Variants in NRXN1 observed in about 807,000 individuals in gnomAD.
NRXN1 encodes the protein neurexin-1.
In NRXN1, 39 loss-of-function variants were observed where a neutral mutation model predicts 150.9. That is an observed-to-expected ratio of 0.26 (90% CI 0.20 to 0.34). The LOEUF is 0.34. NRXN1 is among the 10% of genes least tolerant of loss of function. NRXN1 has a pLI of 1.00. For missense variants in NRXN1, 1,815 were observed against 1,949.9 expected (o/e 0.93, Z 1.30); for synonymous variants, 924 against 757.0 (o/e 1.22, Z -3.62).
At chr2:50,517,337 T>C (rs144797615) in intron 12 of NRXN1, among the ~76,000 whole-genome samples, 8 of 152,246 alleles carry the variant, frequency 5.3e-5, no homozygotes, top group Non-Finnish European at 1.0e-4. Flanking sequence ...AAATATGATA[T>C]AGCTCAGTGC....
intron 17 of NRXN1, among the ~76,000 whole-genome samples, chr2:50,323,321 C>A (rs1208433283): frequency 6.6e-6 from 1 of 152,088 alleles, no homozygotes; most frequent in East Asian, 1.9e-4. Flanking sequence ...TCTGTACAAT[C>A]CTAAGGTGAA....
chr2:50,587,288 C>T (rs1437668008), intron 8 of NRXN1, among the ~76,000 whole-genome samples: 3 of 152,298 alleles, frequency 2.0e-5, no homozygotes, highest in African/African-American at 4.8e-5. Context: ...AGTTTGAGAC[C>T]AACCTGGGCA....
Position 50,795,052 on chromosome 2 carries a change from T to C in NRXN1, c.832+126817A>G, listed in dbSNP as rs561216608. On this transcript the variant is annotated intron_variant, in intron 5 of 22. Coordinates refer to ENST00000401669, the MANE Select transcript of NRXN1 (RefSeq NM_001330078.2). ...TTCCCTACCTATCTCTGTGCATTAC[T>C]ATCAAGGAATTTTGTTAACTACATG... Among the ~76,000 whole-genome samples the C allele has an allele frequency of 6.6e-5, 10 of 152,292 alleles. No individual in the cohort carries two copies. In the East Asian group the frequency reaches 1.7e-3, roughly 27 times the overall value.
intron 5 of NRXN1, among the ~76,000 whole-genome samples, chr2:50,788,605 C>CAGAGAG (rs149877950): frequency 6.7e-6 from 1 of 149,256 alleles, no homozygotes; most frequent in African/African-American, 2.5e-5. Flanking sequence ...GAGAGAGAGA[C>CAGAGAG]AGAGAGAGAG....
At chr2:49,933,886 C>G (rs1670564280) in intron 22 of NRXN1, among the ~76,000 whole-genome samples, 1 of 152,192 alleles carries the variant, frequency 6.6e-6, no homozygotes, top group Non-Finnish European at 1.5e-5. Flanking sequence ...CATTATCTCC[C>G]CGGGAGTAGT....
chr2:50,770,373 T>G (rs1702870829), intron 5 of NRXN1, among the ~76,000 whole-genome samples: 1 of 151,802 alleles, frequency 6.6e-6, no homozygotes, highest in Non-Finnish European at 1.5e-5. Context: ...TTTTCCCCTT[T>G]CAAGAACAAC....
intron 21 of NRXN1, among the ~76,000 whole-genome samples, chr2:49,955,182 A>C (rs1308732924): frequency 6.6e-6 from 1 of 152,146 alleles, no homozygotes. Flanking sequence ...TTTGGTTATG[A>C]AAAAGGCATG....
At chr2:50,157,330 C>G (rs2059083017) in intron 18 of NRXN1, among the ~76,000 whole-genome samples, 1 of 151,924 alleles carries the variant, frequency 6.6e-6, no homozygotes, top group African/African-American at 2.4e-5. Flanking sequence ...ACCAGTCATT[C>G]AGGCACAGAA....
intron 10 of NRXN1, among the ~76,000 whole-genome samples, chr2:50,537,320 T>A (rs1317902636): frequency 6.6e-6 from 1 of 152,202 alleles, no homozygotes; most frequent in Non-Finnish European, 1.5e-5. Context: ...CAATATTTTT[T>A]CATATTGATT....
intron 5 of NRXN1, among the ~76,000 whole-genome samples, chr2:50,850,675 T>C (rs1444117116): frequency 1.3e-5 from 2 of 152,202 alleles, no homozygotes; most frequent in Non-Finnish European, 2.9e-5. Context: ...TAAAGAGCCA[T>C]TTATTATTTG....
At chr2:50,662,962 A>G (rs752792765) in intron 5 of NRXN1, among the ~76,000 whole-genome samples, 12 of 152,178 alleles carry the variant, frequency 7.9e-5, no homozygotes, top group Admixed American at 2.6e-4. Flanking sequence ...CTGGCAAGAC[A>G]TCCAGAAAGC....
At chr2:50,640,060 G>C (rs1449466284) in intron 5 of NRXN1, among the ~76,000 whole-genome samples, 5 of 152,088 alleles carry the variant, frequency 3.3e-5, no homozygotes, top group Non-Finnish European at 7.4e-5. Flanking sequence ...TCAGGCTAAG[G>C]TGATGTGAGA....
chr2:49,946,403 A>G (rs530928207), intron 21 of NRXN1, among the ~76,000 whole-genome samples: 1 of 152,118 alleles, frequency 6.6e-6, no homozygotes, highest in Non-Finnish European at 1.5e-5. Context: ...CCATTTGTCA[A>G]TTTTGGCTTT....
At chr2:50,967,593 T>C (rs1293541099) in intron 2 of NRXN1, among the ~76,000 whole-genome samples, 1 of 152,040 alleles carries the variant, frequency 6.6e-6, no homozygotes, top group Non-Finnish European at 1.5e-5. Context: ...GGCATGTACA[T>C]TTATAGAGAT....
intron 5 of NRXN1, chr2:50,898,557 T>C (rs1464789572): frequency 1.1e-5 from 5 of 474,560 alleles, no homozygotes; most frequent in African/African-American, 2.0e-5. Context: ...CGTAGGGAGG[T>C]AGAAAATGAA....
intron 8 of NRXN1, among the ~76,000 whole-genome samples, chr2:50,618,939 C>T (rs924163785): frequency 2.0e-4 from 31 of 152,102 alleles, no homozygotes; most frequent in African/African-American, 7.5e-4. Context: ...AACTGCACCT[C>T]TTCATGTTTG....
chr2:50,506,942 T>C (rs1269300926), intron 12 of NRXN1: 1 of 223,022 alleles, frequency 4.5e-6, no homozygotes, highest in Non-Finnish European at 8.9e-6. Flanking sequence ...GCACAGTCAA[T>C]ACAGCACTGG....
intron 17 of NRXN1, among the ~76,000 whole-genome samples, chr2:50,351,109 C>A (rs539217810): frequency 6.6e-6 from 1 of 152,228 alleles, no homozygotes; most frequent in Non-Finnish European, 1.5e-5. Context: ...TGTGTCTCTT[C>A]AGCTACTCAG....
At chr2:50,661,570 C>A (rs1366722432) in intron 5 of NRXN1, among the ~76,000 whole-genome samples, 1 of 152,006 alleles carries the variant, frequency 6.6e-6, no homozygotes, top group African/African-American at 2.4e-5. Flanking sequence ...GCTGTTTAGA[C>A]ACATAGCCCC....
Sources: allele counts gnomAD v4.1 joint callset (sites outside exome capture counted in the v4.1 genomes callset), GRCh38; gene constraint gnomAD v4.1.1; transcripts MANE v1.5; gene names NCBI Gene and HGNC (gene_info 2026-07-23, HGNC 2026-07-21).